EPX: variants seen among roughly 807,000 people sequenced by gnomAD.
EPX encodes eosinophil peroxidase.
EPX carries 60 observed loss-of-function variants against 73.0 expected under a neutral mutation model. That is an observed-to-expected ratio of 0.82 (90% CI 0.67 to 1.02). The LOEUF is 1.02. EPX is among the 50% of genes least tolerant of loss of function. The pLI is 0.00. For missense variants in EPX, 950 were observed against 973.9 expected (o/e 0.98, Z 0.33); for synonymous variants, 347 against 389.2 (o/e 0.89, Z 1.28).
intron 3 of EPX, 38 bp downstream of exon 3, chr17:58,193,584 G>A: frequency 6.2e-7 from 1 of 1,607,436 alleles, no homozygotes; most frequent in Non-Finnish European, 8.5e-7. Context: ...GGCCTACCCT[G>A]GCCTGGAGTA....
In EPX at chr17:58,194,982, C is replaced by A. The variant is rs1252426794; in HGVS notation, c.613C>A (p.Gln205Lys). 5.6e-6 allele frequency: 9 copies of A among 1,613,954 alleles called. No individual in the cohort carries two copies. The East Asian group carries it at 1.3e-4, about 24-fold the overall frequency. The change falls in exon 6 of 13, where the codon CAG becomes AAG. Residue 205 changes from glutamine to lysine, a missense_variant. Gln to Lys is a moderately conservative substitution (Grantham distance 53). Transcript: ENST00000225371. ...LLPLVRAVSN[Q>K]IVRFPNERLT... ...CCACCAGGTCCGGGCTGTCTCCAACCAGATTGTGCGCTTCCCCAATGAGAG... is the reference window on the plus strand; with the variant it reads ...CCACCAGGTCCGGGCTGTCTCCAACAAGATTGTGCGCTTCCCCAATGAGAG...
intron 6 of EPX, among the ~76,000 whole-genome samples, chr17:58,196,083 C>T (rs1303506584): frequency 1.6e-5 from 2 of 127,910 alleles, no homozygotes; most frequent in South Asian, 5.1e-4. Flanking sequence ...CTTTCTTTAT[C>T]TTTCCTTCTT....
chr17:58,194,765 A>G (rs1968229255), intron 5 of EPX, among the ~76,000 whole-genome samples, 199 bp from the exon 6 acceptor site: 1 of 152,176 alleles, frequency 6.6e-6, no homozygotes, highest in Non-Finnish European at 1.5e-5. Flanking sequence ...AATCCTCAGG[A>G]GCCCAGCCAG....
rs35617692 is a variant in EPX at position 58,195,140 on chromosome 17, C to T, written c.771C>T (p.Cys257=). The T allele has an allele frequency of 5.6e-6, 9 of 1,613,984 alleles. No individual in the cohort carries two copies. Among genetic ancestry groups the T allele is most frequent in the East Asian group, 2.2e-5 (1 of 44,888 alleles). The change falls in exon 6 of 13, where the codon TGC becomes TGT. Residue 257 remains cysteine (C), a synonymous_variant. Transcript: ENST00000225371. The part of the protein sequence containing the change: ...FTAGVDCERT[C]AQLPPCFPIK... ...CAGGCGTTGACTGTGAGAGGACCTG[C>T]GCCCAGCTGCCCCCCTGCTTTCCCA... is the stretch of plus-strand genomic sequence containing the variant.
chr17:58,200,951 C>T (rs1403944719), intron 10 of EPX, among the ~76,000 whole-genome samples: 1 of 152,168 alleles, frequency 6.6e-6, no homozygotes. Context: ...TTATTTTGTT[C>T]TCCCAATCAC....
intron 10 of EPX, among the ~76,000 whole-genome samples, chr17:58,201,490 G>C (rs1968340246): frequency 6.6e-6 from 1 of 152,190 alleles, no homozygotes; most frequent in South Asian, 2.1e-4. Flanking sequence ...CAGAGGTGGG[G>C]GACCAGCTTA....
chr17:58,204,491 T>C, intron 12 of EPX, 57 bp downstream of exon 12: 1 of 1,033,146 alleles, frequency 9.7e-7, no homozygotes, highest in East Asian at 2.4e-5. Context: ...CATCCTTCCC[T>C]GGATGGATGG....
chr17:58,199,730 C>T lies in EPX; in HGVS notation c.1473C>T (p.Ser491=), dbSNP rs368324976. The change falls in exon 9 of 13, where the codon TCC becomes TCT. Residue 491 remains serine (S), a synonymous_variant. Coordinates refer to ENST00000225371, the MANE Select transcript of EPX (RefSeq NM_000502.6). ...MFRLDSQYRA[S]APNSHVPLSS... ...GCTTGGACAGTCAGTACCGGGCCTC[C>T]GCACCCAACTCGCATGTCCCACTTA... is the stretch of plus-strand genomic sequence containing the variant. 36 of 1,614,082 alleles carry T rather than the reference C, an allele frequency of 2.2e-5. No individual in the cohort carries two copies. The highest frequency in any genetic ancestry group is 7.7e-5 in the South Asian group (7 of 91,090).
intron 12 of EPX, 76 bp downstream of exon 12, chr17:58,204,510 T>TAAGAGGA: frequency 1.2e-6 from 1 of 850,358 alleles, no homozygotes; most frequent in Non-Finnish European, 2.0e-6. Context: ...GGCTGAGTCC[T>TAAGAGGA]CTTAGGTCTC....
At chr17:58,202,572 T>C (rs1968356030) in intron 10 of EPX, 1 of 189,352 alleles carries the variant, frequency 5.3e-6, no homozygotes, top group Admixed American at 5.3e-5. Context: ...TAATATACTT[T>C]GTGTCTCTAT....
chr17:58,195,115 C>A lies in EPX; in HGVS notation c.746C>A (p.Ala249Glu), dbSNP rs35896669. Reference sequence around the variant, plus strand: ...TCCCCGGCCAGAGTGGCCTTCACTGCAGGCGTTGACTGTGAGAGGACCTGC... The same window carrying A: ...TCCCCGGCCAGAGTGGCCTTCACTGAAGGCGTTGACTGTGAGAGGACCTGC... ...PESPARVAFT[A>E]GVDCERTCAQ... Residue 249 changes from alanine (A) to glutamate (E), a missense_variant, in exon 6 of 13, where the codon GCA becomes GAA. Physicochemically the swap from Ala to Glu is moderately radical, Grantham distance 107. Transcript: ENST00000225371. 1.7e-4 allele frequency: 270 copies of A among 1,614,140 alleles called. 1 individual carries two copies. The East Asian group carries it at 5.8e-3, about 34-fold the overall frequency.
chr17:58,204,633 G>A, intron 12 of EPX, 103 bp from the exon 13 acceptor site: 2 of 590,122 alleles, frequency 3.4e-6, no homozygotes, highest in South Asian at 4.1e-5. Flanking sequence ...GGGGAAATTA[G>A]GAGCATCCAA....
In EPX at chr17:58,197,227, C is replaced by T. The variant is rs573827983; in HGVS notation, c.1090C>T (p.Arg364Cys). 2.0e-5 allele frequency: 32 copies of T among 1,612,868 alleles called. No individual in the cohort carries two copies. The Middle Eastern group carries it at 8.3e-4, about 42-fold the overall frequency. The part of the protein sequence containing the change: ...LHDDPCLLTN[R>C]SARIPCFLAG... ...CGATGACCCCTGTCTCCTCACCAAC[C>T]GCTCGGCGCGCATCCCCTGCTTCCT... Residue 364 changes from arginine to cysteine, a missense_variant, in exon 7 of 13, where the codon CGC becomes TGC. By Grantham distance (180) the Arg-to-Cys change is radical (BLOSUM62 -3). Coordinates refer to ENST00000225371, the MANE Select transcript of EPX (RefSeq NM_000502.6).
intron 10 of EPX, chr17:58,202,845 AG>A (rs1387953000): frequency 1.8e-6 from 1 of 555,666 alleles, no homozygotes; most frequent in African/African-American, 1.9e-5. Flanking sequence ...ACAGCTTTTT[AG>A]GTTAGGACAC....
intron 2 of EPX, 24 bp downstream of exon 2, chr17:58,193,155 A>G (rs202190338): frequency 9.8e-6 from 15 of 1,537,080 alleles, no homozygotes; most frequent in East Asian, 2.2e-5. Flanking sequence ...TGGGGGCTGC[A>G]TGGGCCTGGG....
At chr17:58,202,239 T>C (rs1422256442) in intron 10 of EPX, 1 of 152,308 alleles carries the variant, frequency 6.6e-6, no homozygotes, top group African/African-American at 2.4e-5. Flanking sequence ...ATGGATGACG[T>C]TGGGCTGGTG....
chr17:58,201,131 T>C (rs1459255494), intron 10 of EPX, among the ~76,000 whole-genome samples: 1 of 152,244 alleles, frequency 6.6e-6, no homozygotes, highest in African/African-American at 2.4e-5. Context: ...TTTTGGCCAC[T>C]GCCTTGCTCC....
At position 58,199,820 on chromosome 17, in the gene EPX, T is replaced by C. The variant is rs569099203; in HGVS notation, c.1537+26T>C. On this transcript the variant is annotated intron_variant, in intron 9 of 12. Transcript: ENST00000225371. ...GTGACCAGGTTTTCCAGGGGGCAAA[T>C]GGGGGTGAGGGTGGGGAGCATGCCC... 9.2e-6 allele frequency: 14 copies of C among 1,528,118 alleles called. No individual in the cohort carries two copies. The Admixed American group carries it at 2.4e-4, about 27-fold the overall frequency. 94.7% of individuals were successfully genotyped at this position (1,528,118 alleles called of 1,614,324 possible).
chr17:58,204,206 C>G lies in EPX; in HGVS notation c.1947-16C>G. 1 of 1,606,476 alleles carries G rather than the reference C, an allele frequency of 6.2e-7. No homozygotes were observed. Reference sequence around the variant, plus strand: ...TCCTCCCCAGCCTTCACCCACATCTCTCGACTGCCTGGTAGGTTCTGGTGG... The same window carrying G: ...TCCTCCCCAGCCTTCACCCACATCTGTCGACTGCCTGGTAGGTTCTGGTGG... On this transcript the variant is annotated splice_polypyrimidine_tract_variant and intron_variant, in intron 11 of 12. Coordinates refer to ENST00000225371, the MANE Select transcript of EPX (RefSeq NM_000502.6).
Sources: gnomAD v4.1 joint callset for allele counts (sites outside exome capture counted in the v4.1 genomes callset) on GRCh38, gnomAD v4.1.1 for gene constraint, MANE v1.5 for transcripts, NCBI Gene and HGNC (gene_info 2026-07-23, HGNC 2026-07-21) for gene names.